The following FBN2 variants were observed in gnomAD, a reference collection of about 807,000 sequenced individuals.
FBN2 encodes the protein fibrillin-2.
Under a neutral mutation model 355.6 loss-of-function variants are expected in FBN2, and 105 were observed. That is an observed-to-expected ratio of 0.30 (90% CI 0.25 to 0.35). The LOEUF (loss-of-function observed/expected upper bound fraction) is 0.35, where lower values mean the gene tolerates loss of function less well. Among genes scored for constraint, FBN2 ranks in the 10% least tolerant of loss-of-function variants. FBN2 has a pLI of 1.00. For synonymous variants in FBN2, 1,350 were observed against 1,301.2 expected, an observed-to-expected ratio of 1.04 and a Z score of -0.81; for missense variants, 3,280 against 3,758.7, an observed-to-expected ratio of 0.87 and a Z score of 3.33.
At position 128,430,430 on chromosome 5, in the gene FBN2, T is replaced by C. The variant is rs542341663; in HGVS notation, c.952+16051A>G. ...ATGTTTTACATTCATATTTCAAACA[T>C]AGCATTATGTTTAAAGCACTTTCTT... On this transcript the variant is annotated intron_variant, in intron 7 of 64. Transcript: ENST00000262464. Among the ~76,000 whole-genome samples, 5 of 152,348 alleles carry C rather than the reference T, an allele frequency of 3.3e-5. No homozygotes were observed. In the East Asian group the frequency reaches 5.8e-4, roughly 18 times the overall value.
At chr5:128,503,840 GA>G (rs1194488407) in intron 5 of FBN2, among the ~76,000 whole-genome samples, 1 of 152,162 alleles carries the variant, frequency 6.6e-6, no homozygotes, top group African/African-American at 2.4e-5. Context: ...AAGACAATGG[GA>G]AAAATGTCTC....
At chr5:128,358,381 T>G (rs1751557275) in intron 19 of FBN2, among the ~76,000 whole-genome samples, 1 of 152,130 alleles carries the variant, frequency 6.6e-6, no homozygotes, top group Non-Finnish European at 1.5e-5. Flanking sequence ...CACTGGGGTT[T>G]CTAGGTTCAC....
At chr5:128,289,003 A>T in intron 52 of FBN2, 124 bp downstream of exon 52, 1 of 950,858 alleles carries the variant, frequency 1.1e-6, no homozygotes, top group Non-Finnish European at 1.7e-6. Context: ...AGAAGGTGCC[A>T]CTACTAGCTA....
chr5:128,454,842 C>T (rs924548056), intron 6 of FBN2, among the ~76,000 whole-genome samples: 1 of 152,122 alleles, frequency 6.6e-6, no homozygotes, highest in African/African-American at 2.4e-5. Context: ...TTCACATTAC[C>T]TGGAAAGGAG....
Position 128,328,462 on chromosome 5 carries a change from G to T in FBN2, c.4471+234C>A. Reference sequence around the variant, plus strand: ...GAAGAAATGGTTAAAAAAGAAAAAAGAATGATCCAAACTTCCAACTACTGG... The same window carrying T: ...GAAGAAATGGTTAAAAAAGAAAAAATAATGATCCAAACTTCCAACTACTGG... On this transcript the variant is annotated intron_variant, in intron 34 of 64. Coordinates refer to ENST00000262464, the MANE Select transcript of FBN2 (RefSeq NM_001999.4). 4 of 615,864 alleles carry T rather than the reference G, an allele frequency of 6.5e-6. No individual in the cohort carries two copies. In the South Asian group the frequency reaches 7.8e-5, roughly 12 times the overall value. 38.1% of individuals were successfully genotyped at this position (615,864 alleles called of 1,614,324 possible). A position where few individuals can be genotyped will look rare whatever the true frequency, so the allele number is the denominator to read the frequency against.
At chr5:128,477,215 C>A (rs1056445133) in intron 5 of FBN2, among the ~76,000 whole-genome samples, 1 of 152,156 alleles carries the variant, frequency 6.6e-6, no homozygotes, top group African/African-American at 2.4e-5. Flanking sequence ...TGCTCAAGGG[C>A]CACATGTGCT....
chr5:128,411,493 G>A (rs1490257289), intron 7 of FBN2, among the ~76,000 whole-genome samples: 3 of 152,132 alleles, frequency 2.0e-5, no homozygotes, highest in Non-Finnish European at 4.4e-5. Flanking sequence ...ATCCCTAGCG[G>A]AACTCCTCTC....
intron 5 of FBN2, among the ~76,000 whole-genome samples, chr5:128,500,246 AC>A (rs769397902): frequency 6.6e-5 from 10 of 151,586 alleles, no homozygotes; most frequent in Non-Finnish European, 1.2e-4. Flanking sequence ...AACAACAACA[AC>A]AACAACAACA....
Position 128,537,418 on chromosome 5 carries a change from C to G in FBN2, c.186G>C (p.Glu62Asp). The change falls in exon 1 of 65, where the codon GAG (glutamate) becomes GAC (aspartate). Residue 62 changes from glutamate to aspartate, a missense_variant. Physicochemically the swap from Glu to Asp is conservative, Grantham distance 45. Coordinates refer to ENST00000262464, the MANE Select transcript of FBN2 (RefSeq NM_001999.4). ...CCACTGCGGCACCCTCCTCGCGATA[C>G]TCGGGCGCTAGAAACCCGCCTTCAG... ...AGSEGGFLAP[E>D]YREEGAAVAS... The G allele has an allele frequency of 6.2e-7, 1 of 1,610,056 alleles. No homozygotes were observed. The highest frequency in any genetic ancestry group is 8.5e-7 in the Non-Finnish European group (1 of 1,179,378).
intron 25 of FBN2, among the ~76,000 whole-genome samples, chr5:128,342,411 G>C (rs115047044): frequency 1.6e-3 from 251 of 152,246 alleles, no homozygotes; most frequent in Non-Finnish European, 2.9e-3. Flanking sequence ...ACATGTATGT[G>C]CCTGAGTGAC....
intron 36 of FBN2, among the ~76,000 whole-genome samples, chr5:128,316,082 G>A (rs1432104443): frequency 6.6e-6 from 1 of 152,126 alleles, no homozygotes; most frequent in Non-Finnish European, 1.5e-5. Context: ...TCTCAACTGT[G>A]TTCAATAAAT....
intron 6 of FBN2, among the ~76,000 whole-genome samples, chr5:128,460,426 C>A (rs899362505): frequency 1.3e-5 from 2 of 152,158 alleles, no homozygotes; most frequent in Non-Finnish European, 2.9e-5. Flanking sequence ...AATGGCCATA[C>A]TATCCAAAGT....
intron 32 of FBN2, among the ~76,000 whole-genome samples, chr5:128,332,180 G>T (rs1750712162): frequency 6.6e-6 from 1 of 152,026 alleles, no homozygotes; most frequent in Non-Finnish European, 1.5e-5. Context: ...CCTTACTGAG[G>T]GCCTATATAT....
At chr5:128,305,172 A>G (rs1749834205) in intron 44 of FBN2, 90 bp from the exon 45 acceptor site, 1 of 1,101,458 alleles carries the variant, frequency 9.1e-7, no homozygotes, top group Non-Finnish European at 1.4e-6. Flanking sequence ...ATCTGCTATT[A>G]ATTATTATAG....
In FBN2 at chr5:128,519,335, C is replaced by T. The variant is rs767830649; in HGVS notation, c.566G>A (p.Arg189His). The change falls in exon 5 of 65, where the codon CGT becomes CAT. Residue 189 changes from arginine to histidine, a missense_variant. Coordinates refer to ENST00000262464, the MANE Select transcript of FBN2 (RefSeq NM_001999.4). Reference sequence around the variant, plus strand: ...AGCACAGCGGTTGGGTCCGATGCAACGTCCACCATTCTGACATCCATTTTC... The same window carrying T: ...AGCACAGCGGTTGGGTCCGATGCAATGTCCACCATTCTGACATCCATTTTC... ...VCENGCQNGG[R>H]CIGPNRCACV... 3.1e-6 allele frequency: 5 copies of T among 1,613,848 alleles called. No individual in the cohort carries two copies. In the South Asian group the frequency reaches 3.3e-5, roughly 11 times the overall value.
Position 128,350,955 on chromosome 5 carries a change from C to T in FBN2, c.2725G>A (p.Val909Met). Residue 909 changes from valine to methionine, a missense_variant, in exon 21 of 65, where the codon GTG (valine) becomes ATG (methionine). This residue lies in a region of FBN2 where 2,284 missense variants were observed against 2,749.5 expected (regional missense o/e 0.83). Coordinates refer to ENST00000262464, the MANE Select transcript of FBN2 (RefSeq NM_001999.4). Reference sequence around the variant, plus strand: ...TTCAGAGTGGCTCCATTAATATTCACCTCACAGCGGCTGTCCTGGATGTTG... The same window carrying T: ...TTCAGAGTGGCTCCATTAATATTCATCTCACAGCGGCTGTCCTGGATGTTG... ...WLNIQDSRCE[V>M]NINGATLKSE... is the part of the protein sequence containing the mutation. 6.2e-7 allele frequency: 1 copy of T among 1,614,196 alleles called. No homozygotes were observed. Among genetic ancestry groups the T allele is most frequent in the Non-Finnish European group, 8.5e-7 (1 of 1,180,034 alleles).
intron 34 of FBN2, among the ~76,000 whole-genome samples, chr5:128,321,186 T>C (rs1750361525): frequency 1.3e-5 from 2 of 152,230 alleles, no homozygotes; most frequent in South Asian, 4.1e-4. Context: ...AAAATGCTTA[T>C]TATCTTTACA....
chr5:128,536,208 G>A (rs556656943), intron 2 of FBN2, among the ~76,000 whole-genome samples, 194 bp downstream of exon 2: 2 of 152,296 alleles, frequency 1.3e-5, no homozygotes, highest in African/African-American at 2.4e-5. Context: ...ACAGAGTCTA[G>A]AAGTGAAGTC....
chr5:128,376,370 T>C (rs954822183), intron 14 of FBN2, among the ~76,000 whole-genome samples: 7 of 152,154 alleles, frequency 4.6e-5, no homozygotes, highest in Admixed American at 4.6e-4. Flanking sequence ...CAGTGGAAAA[T>C]CTAGTTCTGA....
Sources: allele counts gnomAD v4.1 joint callset (sites outside exome capture counted in the v4.1 genomes callset), GRCh38; gene constraint gnomAD v4.1.1; regional missense constraint gnomAD v4.1.1; transcripts MANE v1.5; gene names NCBI Gene and HGNC (gene_info 2026-07-23, HGNC 2026-07-21).